ZBTB46: variants seen among roughly 807,000 people sequenced by gnomAD.
ZBTB46 encodes zinc finger and BTB domain-containing protein 46.
In ZBTB46, 8 loss-of-function variants were observed where a neutral mutation model predicts 44.1. That is an observed-to-expected ratio of 0.18 (90% CI 0.11 to 0.33). ZBTB46 has a LOEUF of 0.33. Among genes scored for constraint, ZBTB46 ranks in the 10% least tolerant of loss-of-function variants. ZBTB46 has a pLI of 1.00. For missense variants in ZBTB46, 651 were observed against 847.7 expected (o/e 0.77, Z 2.88); for synonymous variants, 409 against 382.3 (o/e 1.07, Z -0.81).
chr20:63,820,427 T>C (rs1021543158), intron 1 of ZBTB46, among the ~76,000 whole-genome samples: 1 of 148,458 alleles, frequency 6.7e-6, no homozygotes, highest in East Asian at 2.4e-4. Flanking sequence ...TTTTAAGAAG[T>C]ATATTATATA....
chr20:63,832,054 C>T (rs1281352926), upstream of ZBTB46, among the ~76,000 whole-genome samples: 4 of 152,048 alleles, frequency 2.6e-5, no homozygotes, highest in Admixed American at 1.3e-4. This position sits in a 1 kb window ranked among gnomAD's most constrained non-coding sequence, Gnocchi z 5.0. Context: ...GCACCGGCGG[C>T]CGCGCGTGGG....
At chr20:63,783,985 G>C (rs868145221) in intron 2 of ZBTB46, among the ~76,000 whole-genome samples, 1 of 152,186 alleles carries the variant, frequency 6.6e-6, no homozygotes, top group Admixed American at 6.5e-5. Context: ...GAGATGCCAC[G>C]CACACTCAGG....
At chr20:63,829,164 G>A (rs1190537215) in intron 1 of ZBTB46, among the ~76,000 whole-genome samples, 1 of 152,156 alleles carries the variant, frequency 6.6e-6, no homozygotes, top group African/African-American at 2.4e-5. Flanking sequence ...AGGGACGGAG[G>A]ACGCAGGGCA....
rs150437727 is a variant in ZBTB46 at position 63,775,786 on chromosome 20, C to T, written c.1114G>A (p.Ala372Thr). 146 of 1,613,240 alleles carry T rather than the reference C, an allele frequency of 9.1e-5. No homozygotes were observed. The highest frequency in any genetic ancestry group is 3.8e-4 in the Admixed American group (23 of 59,986). Reference protein sequence around the residue: ...HQATAVANLRAALMSKNSLLS... With the variant: ...HQATAVANLRTALMSKNSLLS... ...AGGCTGTTCTTACTCATGAGCGCCG[C>T]GCGCAGGTTGGCCACCGCGGTGGCC... The change falls in exon 3 of 5, where the codon GCG becomes ACG. Residue 372 changes from alanine to threonine, a missense_variant. Transcript: ENST00000245663.
intron 3 of ZBTB46, among the ~76,000 whole-genome samples, chr20:63,763,836 C>T (rs150498065): frequency 1.5e-3 from 228 of 152,356 alleles, no homozygotes; most frequent in African/African-American, 5.2e-3. Context: ...ATCCACCCCA[C>T]ATGCTAATAG....
chr20:63,808,894 G>C (rs1216875292), intron 1 of ZBTB46, among the ~76,000 whole-genome samples: 2 of 150,106 alleles, frequency 1.3e-5, no homozygotes, highest in Non-Finnish European at 3.0e-5. Context: ...GGAGAATGGC[G>C]GGAACCCGGG....
intron 1 of ZBTB46, among the ~76,000 whole-genome samples, chr20:63,799,352 CTT>C (rs61056676): frequency 4.8e-5 from 7 of 145,202 alleles, no homozygotes; most frequent in Non-Finnish European, 9.1e-5. Context: ...GTGAGACTAA[CTT>C]TTTTTTTTCT....
Position 63,775,783 on chromosome 20 carries a change from C to T in ZBTB46, c.1117G>A (p.Ala373Thr), listed in dbSNP as rs2092420279. The T allele has an allele frequency of 6.2e-7, 1 of 1,613,308 alleles. No individual in the cohort carries two copies. The highest frequency in any genetic ancestry group is 1.3e-5 in the African/African-American group (1 of 74,942). ...AGCAGGCTGTTCTTACTCATGAGCG[C>T]CGCGCGCAGGTTGGCCACCGCGGTG... ...QATAVANLRA[A>T]LMSKNSLLSL... is the part of the protein sequence containing the mutation. The change falls in exon 3 of 5, where the codon GCG (alanine) becomes ACG (threonine). Residue 373 changes from alanine to threonine, a missense_variant. By Grantham distance (58) the Ala-to-Thr change is moderately conservative. This residue lies in a region of ZBTB46 where 385 missense variants were observed against 423.3 expected (regional missense o/e 0.91). Coordinates refer to ENST00000245663, the MANE Select transcript of ZBTB46 (RefSeq NM_001369741.1).
chr20:63,769,831 A>C (rs1473085304), intron 3 of ZBTB46, among the ~76,000 whole-genome samples: 1 of 152,194 alleles, frequency 6.6e-6, no homozygotes, highest in African/African-American at 2.4e-5. Flanking sequence ...TTTAAATACC[A>C]CAGGGAAACA....
At chr20:63,765,076 CGTGTGCAT>C (rs371286948) in intron 3 of ZBTB46, among the ~76,000 whole-genome samples, 3,228 of 42,158 alleles carry the variant, frequency 0.077, 104 homozygotes, top group African/African-American at 0.33. Flanking sequence ...TGCATGTGTG[CGTGTGCAT>C]GTGTGCATGT....
chr20:63,762,795 C>T (rs1348747322), intron 3 of ZBTB46, among the ~76,000 whole-genome samples: 1 of 152,138 alleles, frequency 6.6e-6, no homozygotes, highest in African/African-American at 2.4e-5. Flanking sequence ...TCAAAGTTTA[C>T]TTTGATATTA....
intron 1 of ZBTB46, among the ~76,000 whole-genome samples, chr20:63,799,212 T>A (rs1051152716): frequency 9.9e-5 from 15 of 151,558 alleles, no homozygotes; most frequent in East Asian, 3.9e-4. Context: ...TTTTTTTTTT[T>A]AATTTCTTAC....
intron 1 of ZBTB46, chr20:63,815,211 C>A: frequency 4.7e-6 from 1 of 212,286 alleles, no homozygotes; most frequent in Non-Finnish European, 9.6e-6. Flanking sequence ...GTGCAGTGGG[C>A]ACGAGTGCAA....
chr20:63,801,077 A>G (rs1468859243), intron 1 of ZBTB46, among the ~76,000 whole-genome samples: 1 of 152,214 alleles, frequency 6.6e-6, no homozygotes, highest in Non-Finnish European at 1.5e-5. Flanking sequence ...TGTCTAGCTC[A>G]AGGTTTGTAA....
rs527431978 is a variant in ZBTB46, at chr20:63,752,761, C to T, written c.1323G>A (p.Thr441=). 2 of 1,612,714 alleles carry T rather than the reference C, an allele frequency of 1.2e-6. No homozygotes were observed. Among genetic ancestry groups the T allele is most frequent in the South Asian group, 1.1e-5 (1 of 91,078 alleles). Residue 441 remains threonine, a synonymous_variant, in exon 4 of 5, where the codon ACG becomes ACA. Coordinates refer to ENST00000245663, the MANE Select transcript of ZBTB46 (RefSeq NM_001369741.1). The surrounding 1 kb of genome is among the most constrained non-coding windows in gnomAD (Gnocchi z 5.6). ...CILKRHMRSH[T]GERPYPCEIC... The stretch of plus-strand genomic sequence containing the variant: ...TCTCGCAGGGGTAGGGCCGCTCTCC[C>T]GTGTGCGAGCGCATGTGTCGCTTGA...
Position 63,803,426 on chromosome 20 carries a change from C to T in ZBTB46, c.-33-12636G>A. The T allele has an allele frequency of 1.0e-6, 1 of 985,410 alleles. No individual in the cohort carries two copies. Among genetic ancestry groups the T allele is most frequent in the Middle Eastern group, 5.2e-4 (1 of 1,914 alleles). 61.0% of individuals were successfully genotyped at this position (985,410 alleles called of 1,614,324 possible). ...TGTTAGCAGAGTCGTCTTTCGACAG[C>T]GAGACCGGTGGTACTATCCACATCA... On this transcript the variant is annotated intron_variant, in intron 1 of 4. Coordinates refer to ENST00000245663, the MANE Select transcript of ZBTB46 (RefSeq NM_001369741.1). The surrounding 1 kb of genome is among the most constrained non-coding windows in gnomAD (Gnocchi z 4.0).
At chr20:63,792,140 A>G (rs1266428487) in intron 1 of ZBTB46, among the ~76,000 whole-genome samples, 4 of 152,118 alleles carry the variant, frequency 2.6e-5, no homozygotes, top group African/African-American at 9.7e-5. Context: ...ATCTTAATTA[A>G]TCATATCCAC....
chr20:63,771,861 C>T (rs566822510), intron 3 of ZBTB46, among the ~76,000 whole-genome samples: 1 of 152,298 alleles, frequency 6.6e-6, no homozygotes, highest in Non-Finnish European at 1.5e-5. Context: ...CAGAAAATTA[C>T]GTTTTAAAAT....
At position 63,775,686 on chromosome 20, in the gene ZBTB46, G is replaced by A; in HGVS notation, c.1214C>T (p.Ser405Leu). ...LFEYLPRGAH[S>L]LSLNEFTVIR... ...CCAGGGCCTGCACTTACGGGACAGC[G>A]AGTGGGCCCCTCTGGGCAGGTACTC... Residue 405 changes from serine (S) to leucine (L), a missense_variant, in exon 3 of 5, where the codon TCG becomes TTG. Ser to Leu is a moderately radical substitution (Grantham distance 145, BLOSUM62 -2). Coordinates refer to ENST00000245663, the MANE Select transcript of ZBTB46 (RefSeq NM_001369741.1). 11 of 1,574,320 alleles carry A rather than the reference G, an allele frequency of 7.0e-6. No individual in the cohort carries two copies. Among genetic ancestry groups the A allele is most frequent in the East Asian group, 2.3e-5 (1 of 44,402 alleles).
Sources: gnomAD v4.1 joint callset for allele counts (sites outside exome capture counted in the v4.1 genomes callset) on GRCh38, gnomAD v4.1.1 for gene constraint, gnomAD v4.1.1 regional missense constraint, Gnocchi (gnomAD v3.1) non-coding constraint, MANE v1.5 for transcripts, NCBI Gene and HGNC (gene_info 2026-07-23, HGNC 2026-07-21) for gene names.